Variants in PWP1 observed in about 807,000 individuals in gnomAD.
PWP1 encodes periodic tryptophan protein 1 homolog.
PWP1 carries 47 observed loss-of-function variants against 69.9 expected under a neutral mutation model. That is an observed-to-expected ratio of 0.67 (90% CI 0.53 to 0.86). The LOEUF is 0.86. Ranked by LOEUF, PWP1 falls within the 40% of genes least tolerant of loss-of-function variation. The pLI is 0.00. For missense variants in PWP1, 551 were observed against 608.8 expected, an observed-to-expected ratio of 0.91 and a Z score of 1.00; for synonymous variants, 222 against 208.2, an observed-to-expected ratio of 1.07 and a Z score of -0.57.
At position 107,696,597 on chromosome 12, in the gene PWP1, CT is replaced by C; in HGVS notation, c.613+15del. The C allele has an allele frequency of 6.2e-7, 1 of 1,613,392 alleles. No homozygotes were observed. The highest frequency in any genetic ancestry group is 1.1e-5 in the South Asian group (1 of 90,930). On this transcript the variant is annotated intron_variant, in intron 6 of 14. Coordinates refer to ENST00000412830, the MANE Select transcript of PWP1 (RefSeq NM_007062.3). ...GATGATTCTACTGGTAATTAGAAAACTTAAGGTTGTTCAATGATTTCCAGTC... is the reference window on the plus strand; with the variant it reads ...GATGATTCTACTGGTAATTAGAAAACTAAGGTTGTTCAATGATTTCCAGTC...
rs529219275 is a variant in PWP1, at chr12:107,688,357, C to T, written c.73-91C>T. The T allele has an allele frequency of 8.1e-5, 91 of 1,124,434 alleles. No individual in the cohort carries two copies. In the African/African-American group the frequency reaches 1.3e-3, roughly 16 times the overall value. The allele number at this position is 1,124,434 out of a possible 1,614,324, so 69.7% of individuals were successfully genotyped here. A position where few individuals can be genotyped will look rare whatever the true frequency, so the allele number is the denominator to read the frequency against. On this transcript the variant is annotated intron_variant, in intron 1 of 14. Transcript: ENST00000412830. ...ATCTTGATGACATTGCTTGGCGTTA[C>T]ATTTTACATTTGTTTGCAAACTACT...
rs1889500570 is a variant in PWP1 at position 107,692,573 on chromosome 12, A to C, written c.320-241A>C. On this transcript the variant is annotated intron_variant, in intron 3 of 14. Coordinates refer to ENST00000412830, the MANE Select transcript of PWP1 (RefSeq NM_007062.3). ...CTAAAAGGGTCTAATTCCCTGATAC[A>C]GTTCTTTCATTGGAAGATTGTGAAT... is the stretch of plus-strand genomic sequence containing the variant. The C allele has an allele frequency of 1.1e-5, 5 of 462,584 alleles. No individual in the cohort carries two copies. In the South Asian group the frequency reaches 1.5e-4, roughly 13 times the overall value. The allele number at this position is 462,584 out of a possible 1,614,324, so 28.7% of individuals were successfully genotyped here.
At chr12:107,696,448 A>G (rs1889590887) in intron 5 of PWP1, 26 bp from the exon 6 acceptor site, 4 of 1,607,204 alleles carry the variant, frequency 2.5e-6, no homozygotes, top group Non-Finnish European at 2.5e-6. Context: ...CTGATACATT[A>G]AAGTCTCTTT....
At chr12:107,710,274 TTGAAAG>T in intron 13 of PWP1, 125 bp from the exon 14 acceptor site, 1 of 1,408,804 alleles carries the variant, frequency 7.1e-7, no homozygotes, top group Non-Finnish European at 9.4e-7. Context: ...TGCAGTAGGC[TTGAAAG>T]TGAGAATCAT....
chr12:107,705,831 CACTATA>C (rs1175441700), intron 11 of PWP1, among the ~76,000 whole-genome samples: 1 of 151,984 alleles, frequency 6.6e-6, no homozygotes, highest in Admixed American at 6.6e-5. Flanking sequence ...CCACAATATG[CACTATA>C]TGTATGTGCA....
rs1390894128 is a variant in PWP1, at chr12:107,712,532, T to A, written c.*312T>A. ...TGTAAATAGGTAGTAATTTATAGAATTTTTAAAGCGTAAAATCCGGTAATA... is the reference window on the plus strand; with the variant it reads ...TGTAAATAGGTAGTAATTTATAGAAATTTTAAAGCGTAAAATCCGGTAATA... On this transcript the variant is annotated 3_prime_UTR_variant, in exon 15 of 15. Transcript: ENST00000412830. 5 of 186,946 alleles carry A rather than the reference T, an allele frequency of 2.7e-5. 1 individual carries two copies. Among genetic ancestry groups the A allele is most frequent in the African/African-American group, 7.0e-5 (3 of 42,608 alleles). 11.6% of individuals were successfully genotyped at this position (186,946 alleles called of 1,614,324 possible).
intron 7 of PWP1, 30 bp from the exon 8 acceptor site, chr12:107,699,342 AT>A (rs1889657578): frequency 6.5e-7 from 1 of 1,548,564 alleles, no homozygotes; most frequent in African/African-American, 1.4e-5. Flanking sequence ...GGGGACTTTA[AT>A]ACAAAAAATA....
chr12:107,688,060 A>AAAAAAAAAAAAAG, intron 1 of PWP1, among the ~76,000 whole-genome samples: 1 of 140,442 alleles, frequency 7.1e-6, no homozygotes, highest in East Asian at 2.0e-4. Context: ...AAAAAAAAAA[A>AAAAAAAAAAAAAG]GAACAGAGGA....
At position 107,693,185 on chromosome 12, in the gene PWP1, T is replaced by A. The variant is rs183575095; in HGVS notation, c.502+89T>A. 2.8e-3 allele frequency: 4,141 copies of A among 1,479,960 alleles called. 17 individuals are homozygous for A. The highest frequency in any genetic ancestry group is 0.016 in the Middle Eastern group (86 of 5,428). 91.7% of individuals were successfully genotyped at this position (1,479,960 alleles called of 1,614,324 possible). A position where few individuals can be genotyped will look rare whatever the true frequency, so the allele number is the denominator to read the frequency against. On this transcript the variant is annotated intron_variant, in intron 5 of 14. Coordinates refer to ENST00000412830, the MANE Select transcript of PWP1 (RefSeq NM_007062.3). The stretch of plus-strand genomic sequence containing the variant: ...TACCATTTCATTTTTAGGTGCCAGA[T>A]CCTATTGTATCTCATTTAAGTTGGT...
At chr12:107,709,258 T>A in intron 13 of PWP1, 26 bp downstream of exon 13, 1 of 1,607,520 alleles carries the variant, frequency 6.2e-7, no homozygotes, top group Non-Finnish European at 8.5e-7. Flanking sequence ...GGTATCTGTT[T>A]TTTATTTATT....
intron 5 of PWP1, among the ~76,000 whole-genome samples, chr12:107,694,334 CTGA>C (rs1889541991): frequency 6.6e-6 from 1 of 152,190 alleles, no homozygotes; most frequent in Non-Finnish European, 1.5e-5. Flanking sequence ...GATTATTAGG[CTGA>C]TAAGTCCTTT....
At chr12:107,688,895 T>C in intron 3 of PWP1, 93 bp downstream of exon 3, 1 of 1,277,390 alleles carries the variant, frequency 7.8e-7, no homozygotes, top group Non-Finnish European at 1.1e-6. Flanking sequence ...TAGATTTTAT[T>C]GTTCTTGACA....
In PWP1 at chr12:107,709,087, G is replaced by T. The variant is rs1268416226; in HGVS notation, c.1169-24G>T. On this transcript the variant is annotated intron_variant, in intron 12 of 14. Coordinates refer to ENST00000412830, the MANE Select transcript of PWP1 (RefSeq NM_007062.3). ...AGTAAATCTGTATTTCAAAGCGAAA[G>T]TGTCTAAACTTATCTTCCTTTAGGT... is the stretch of plus-strand genomic sequence containing the variant. The T allele has an allele frequency of 1.9e-6, 3 of 1,613,778 alleles. No individual in the cohort carries two copies. In the Admixed American group the frequency reaches 5.0e-5, roughly 27 times the overall value.
At chr12:107,697,330 A>C in intron 6 of PWP1, 137 bp from the exon 7 acceptor site, 1 of 779,992 alleles carries the variant, frequency 1.3e-6, no homozygotes, top group Non-Finnish European at 1.9e-6. Flanking sequence ...TGTAACATTC[A>C]GATGCCGCAT....
intron 7 of PWP1, 106 bp from the exon 8 acceptor site, chr12:107,699,257 TCAAAACAAAA>T (rs919873574): frequency 2.4e-6 from 2 of 843,886 alleles, no homozygotes; most frequent in African/African-American, 3.5e-5. Flanking sequence ...AGACTCCGTC[TCAAAACAAAA>T]CAAAACAAAA....
chr12:107,699,701 G>T (rs1053697304), intron 8 of PWP1, among the ~76,000 whole-genome samples: 1 of 152,196 alleles, frequency 6.6e-6, no homozygotes, highest in African/African-American at 2.4e-5. Context: ...CAGGGTGTTT[G>T]GCAGTGCCCA....
At chr12:107,702,430 G>A (rs557658133) in intron 8 of PWP1, among the ~76,000 whole-genome samples, 4 of 152,064 alleles carry the variant, frequency 2.6e-5, no homozygotes, top group South Asian at 2.1e-4. Flanking sequence ...ACAGGCATGC[G>A]CCACCATGCC....
At position 107,704,634 on chromosome 12, in the gene PWP1, A is replaced by C. The variant is rs769545856; in HGVS notation, c.966-2A>C. ...ACCCTAACTTTGCCTGAATGTGTCT[A>C]GGTCAGTGGCTTTGTATGACTGCCG... On this transcript the variant is annotated splice_acceptor_variant, in intron 10 of 14. Transcript: ENST00000412830. LOFTEE classifies it high-confidence loss of function. The C allele has an allele frequency of 5.6e-6, 9 of 1,612,884 alleles. No homozygotes were observed. In the South Asian group the frequency reaches 9.9e-5, roughly 18 times the overall value.
chr12:107,701,269 A>G (rs1889703853), intron 8 of PWP1, among the ~76,000 whole-genome samples: 1 of 152,082 alleles, frequency 6.6e-6, no homozygotes, highest in South Asian at 2.1e-4. Context: ...CTGGGATAAC[A>G]GGCATGAGCC....
Sources: allele counts gnomAD v4.1 joint callset (sites outside exome capture counted in the v4.1 genomes callset), GRCh38; gene constraint gnomAD v4.1.1; transcripts MANE v1.5; gene names NCBI Gene and HGNC (gene_info 2026-07-23, HGNC 2026-07-21).